IFT74: variants seen among roughly 807,000 people sequenced by gnomAD.
IFT74 encodes the protein intraflagellar transport protein 74 homolog.
A neutral mutation model predicts 96.7 loss-of-function variants in IFT74; 92 were observed. The ratio of observed to expected loss-of-function variants is 0.95; its 90% CI spans 0.80 to 1.13. IFT74 has a LOEUF of 1.13. Ranked by LOEUF, IFT74 falls within the 50% of genes most tolerant of loss-of-function variation. IFT74 has a pLI of 0.00. For synonymous variants in IFT74, 223 were observed against 213.2 expected, an observed-to-expected ratio of 1.05 and a Z score of -0.40; for missense variants, 811 against 698.2, an observed-to-expected ratio of 1.16 and a Z score of -1.82.
chr9:27,047,415 G>T (rs183322250), intron 15 of IFT74, 44 bp downstream of exon 15: 160 of 1,208,400 alleles, frequency 1.3e-4, no homozygotes, highest in Non-Finnish European at 1.4e-4. Flanking sequence ...TATTTTTGCC[G>T]TGATTAACTT....
chr9:26,971,295 T>C (rs969366009), intron 2 of IFT74, among the ~76,000 whole-genome samples: 1 of 152,110 alleles, frequency 6.6e-6, no homozygotes, highest in African/African-American at 2.4e-5. Flanking sequence ...AGAGCTTGCT[T>C]ATTAGTTTTT....
intron 13 of IFT74, 150 bp from the exon 14 acceptor site, chr9:27,044,592 T>A: frequency 3.7e-6 from 2 of 534,328 alleles, no homozygotes; most frequent in Non-Finnish European, 6.7e-6. Context: ...TTGAAAAGTC[T>A]CTATAAGTCA....
chr9:27,020,030 C>G (rs1829523418), intron 12 of IFT74, among the ~76,000 whole-genome samples: 1 of 149,836 alleles, frequency 6.7e-6, no homozygotes, highest in African/African-American at 2.5e-5. Flanking sequence ...GGCTGGAATG[C>G]AGTGGTGCAA....
At chr9:26,986,846 C>T (rs759860390) in intron 6 of IFT74, among the ~76,000 whole-genome samples, 7 of 152,062 alleles carry the variant, frequency 4.6e-5, no homozygotes, top group Non-Finnish European at 7.4e-5. Flanking sequence ...TGGTCTTGAA[C>T]TCCTGGGCTC....
chr9:26,954,500 A>C (rs887021809), upstream of IFT74, among the ~76,000 whole-genome samples: 49 of 151,926 alleles, frequency 3.2e-4, 2 homozygotes, highest in Admixed American at 3.2e-3. Context: ...AAGCTCTTTA[A>C]AATTTTAATG....
chr9:26,970,503 T>G (rs1472987309), intron 2 of IFT74, among the ~76,000 whole-genome samples: 2 of 152,250 alleles, frequency 1.3e-5, no homozygotes, highest in Non-Finnish European at 2.9e-5. Flanking sequence ...TCATTATTTT[T>G]AATGTGTACA....
rs537264619 is a variant in IFT74 at position 27,064,201 on chromosome 9, T to G, written c.*1465T>G. Among the ~76,000 whole-genome samples, 1 of 152,206 alleles carries G rather than the reference T, an allele frequency of 6.6e-6. No homozygotes were observed. The highest frequency in any genetic ancestry group is 2.4e-5 in the African/African-American group (1 of 41,548). On this transcript the variant is annotated 3_prime_UTR_variant, in exon 20 of 20. Transcript: ENST00000380062. ...AATAGACTTTGTACACCAAATAGAC[T>G]TCATACACTAAAATAATTTCATCTA...
intron 6 of IFT74, among the ~76,000 whole-genome samples, chr9:26,988,329 C>A (rs950269544): frequency 3.9e-5 from 6 of 152,124 alleles, no homozygotes; most frequent in African/African-American, 1.4e-4. Context: ...GGTGATAGAT[C>A]TTTCCAAAAC....
At chr9:27,012,697 T>C (rs960289391) in intron 10 of IFT74, among the ~76,000 whole-genome samples, 19 of 143,016 alleles carry the variant, frequency 1.3e-4, no homozygotes, top group Non-Finnish European at 2.7e-4. Flanking sequence ...AAGAGGAAAG[T>C]AAAAATGTCT....
Position 27,062,698 on chromosome 9 carries a change from A to G in IFT74, c.1765A>G (p.Thr589Ala), listed in dbSNP as rs983913801. 1 of 1,606,950 alleles carries G rather than the reference A, an allele frequency of 6.2e-7. No homozygotes were observed. Among genetic ancestry groups the G allele is most frequent in the South Asian group, 1.1e-5 (1 of 89,958 alleles). The change falls in exon 20 of 20, where the codon ACC becomes GCC. Residue 589 changes from threonine to alanine, a missense_variant. Coordinates refer to ENST00000380062, the MANE Select transcript of IFT74 (RefSeq NM_025103.4). ...CAAGCAGATTGCAGAGTACAATAAA[A>G]CCATCGTGGATGCTTTACATAGCAC... Reference protein sequence around the residue: ...VTKQIAEYNKTIVDALHSTSG... With the variant: ...VTKQIAEYNKAIVDALHSTSG...
intron 13 of IFT74, among the ~76,000 whole-genome samples, chr9:27,035,894 AT>A (rs1819157623): frequency 6.6e-6 from 1 of 152,214 alleles, no homozygotes; most frequent in African/African-American, 2.4e-5. Flanking sequence ...TCAAGACAGC[AT>A]TGGGATTAGG....
Position 26,984,360 on chromosome 9 carries a change from G to A in IFT74, c.404+5G>A. On this transcript the variant is annotated splice_donor_5th_base_variant and intron_variant, in intron 5 of 19. Transcript: ENST00000380062. ...ATATTTGTCATATGAAAAGAGGTGA[G>A]TAATAAGTATTCAGTATTCATTCAG... The A allele has an allele frequency of 1.3e-6, 2 of 1,581,336 alleles. No individual in the cohort carries two copies. The highest frequency in any genetic ancestry group is 1.2e-5 in the South Asian group (1 of 86,008).
In IFT74 at chr9:27,012,013, AAAG is replaced by A. The variant is rs532576928; in HGVS notation, c.789+46_789+48del. ...AGGGTTCTCATACTACTCAGCTAAA[AAAG>A]TTAATTCAGCCAAGTATATTAATAT... On this transcript the variant is annotated intron_variant, in intron 10 of 19. Coordinates refer to ENST00000380062, the MANE Select transcript of IFT74 (RefSeq NM_025103.4). 6.8e-5 allele frequency: 88 copies of A among 1,289,412 alleles called. No individual in the cohort carries two copies. In the African/African-American group the frequency reaches 1.3e-3, roughly 19 times the overall value. 79.9% of individuals were successfully genotyped at this position (1,289,412 alleles called of 1,614,324 possible).
intron 8 of IFT74, among the ~76,000 whole-genome samples, chr9:27,000,648 A>C (rs1828433998): frequency 6.6e-6 from 1 of 152,204 alleles, no homozygotes; most frequent in Admixed American, 6.5e-5. Context: ...GGAAACATTC[A>C]AATTCTCTTC....
intron 12 of IFT74, among the ~76,000 whole-genome samples, chr9:27,026,316 C>A (rs1018389534): frequency 2.6e-5 from 4 of 152,072 alleles, no homozygotes; most frequent in Admixed American, 1.3e-4. Context: ...AACACTAGAG[C>A]TCCCAAATGT....
At chr9:26,947,405 T>A (rs1035488645) in intron 1 of IFT74, 1 of 216,216 alleles carries the variant, frequency 4.6e-6, no homozygotes, top group Non-Finnish European at 9.2e-6. Flanking sequence ...CCAGGACGCC[T>A]GACCCTGGGG....
intron 18 of IFT74, 31 bp downstream of exon 18, chr9:27,056,490 G>T (rs1820164404): frequency 6.4e-7 from 1 of 1,552,252 alleles, no homozygotes; most frequent in South Asian, 1.2e-5. Flanking sequence ...CTTTGAAATT[G>T]TCTTAGTCTA....
At chr9:26,975,368 A>G (rs780705715) in intron 2 of IFT74, among the ~76,000 whole-genome samples, 3 of 152,298 alleles carry the variant, frequency 2.0e-5, no homozygotes, top group East Asian at 3.9e-4. Context: ...TGTCATTAAC[A>G]TGTTCGATTA....
intron 12 of IFT74, among the ~76,000 whole-genome samples, chr9:27,021,465 T>TC (rs1442535948): frequency 6.6e-5 from 10 of 152,192 alleles, no homozygotes; most frequent in African/African-American, 2.4e-4. Flanking sequence ...GTAAAAGTGT[T>TC]CCCTTTTCAC....
Sources: gnomAD v4.1 joint callset for allele counts (sites outside exome capture counted in the v4.1 genomes callset) on GRCh38, gnomAD v4.1.1 for gene constraint, MANE v1.5 for transcripts, NCBI Gene and HGNC (gene_info 2026-07-23, HGNC 2026-07-21) for gene names.